CAMKMT: variants seen among roughly 807,000 people sequenced by gnomAD.
The protein encoded by CAMKMT is calmodulin-lysine N-methyltransferase.
Under a neutral mutation model 48.0 loss-of-function variants are expected in CAMKMT, and 53 were observed. That is an observed-to-expected ratio of 1.10 (90% CI 0.89 to 1.39). The LOEUF is 1.39. Ranked by LOEUF, CAMKMT falls within the 40% of genes most tolerant of loss-of-function variation. The probability of loss-of-function intolerance (pLI) is 0.00; values close to 1 mark genes in which losing one functional copy is unlikely to be tolerated. For missense variants in CAMKMT, 428 were observed against 402.7 expected (o/e 1.06, Z -0.54); for synonymous variants, 165 against 152.3 (o/e 1.08, Z -0.61).
At chr2:44,760,970 C>T (rs912884508) in intron 9 of CAMKMT, among the ~76,000 whole-genome samples, 10 of 152,096 alleles carry the variant, frequency 6.6e-5, no homozygotes, top group African/African-American at 9.7e-5. Context: ...TGTGCCAGGC[C>T]CCGGGGATAG....
chr2:44,414,677 A>G (rs1359965001), intron 3 of CAMKMT, among the ~76,000 whole-genome samples: 3 of 152,122 alleles, frequency 2.0e-5, no homozygotes, highest in African/African-American at 7.2e-5. Flanking sequence ...GAGAGAGGGG[A>G]CTACACAGGG....
intron 3 of CAMKMT, among the ~76,000 whole-genome samples, chr2:44,527,613 G>C (rs1666219924): frequency 6.6e-6 from 1 of 151,234 alleles, no homozygotes; most frequent in East Asian, 1.9e-4. Context: ...GACAATAATA[G>C]AGCTTTAAGA....
intron 3 of CAMKMT, among the ~76,000 whole-genome samples, chr2:44,647,579 G>A (rs531669872): frequency 1.5e-4 from 23 of 151,992 alleles, no homozygotes; most frequent in Non-Finnish European, 3.1e-4. Context: ...TGTGTTGCTC[G>A]GGGGACAACT....
chr2:44,666,142 A>C (rs1674952333), intron 3 of CAMKMT, among the ~76,000 whole-genome samples: 2 of 152,210 alleles, frequency 1.3e-5, no homozygotes, highest in South Asian at 4.1e-4. Flanking sequence ...AAAGAGGTTA[A>C]GAGATTTACA....
intron 3 of CAMKMT, among the ~76,000 whole-genome samples, chr2:44,472,686 T>C (rs892552622): frequency 1.3e-5 from 2 of 152,162 alleles, no homozygotes; most frequent in Admixed American, 1.3e-4. Flanking sequence ...CGGGCAGATA[T>C]AGGAAAGAAG....
In CAMKMT at chr2:44,498,589, G is replaced by A. The variant is rs1397071622; in HGVS notation, c.376+108284G>A. On this transcript the variant is annotated intron_variant, in intron 3 of 10. Transcript: ENST00000378494. ...GCAGTGGTTTTGATGATAAAATCCT[G>A]TAATTCAAGAGGTTGGCTTATTCAA... is the stretch of plus-strand genomic sequence containing the variant. 5.9e-5 allele frequency among the ~76,000 whole-genome samples: 9 copies of A among 152,176 alleles called. No homozygotes were observed. In the East Asian group the frequency reaches 1.7e-3, roughly 29 times the overall value.
intron 6 of CAMKMT, among the ~76,000 whole-genome samples, 170 bp downstream of exon 6, chr2:44,707,632 C>T (rs1408041551): frequency 6.6e-6 from 1 of 152,146 alleles, no homozygotes; most frequent in Non-Finnish European, 1.5e-5. Flanking sequence ...TTGCATACAA[C>T]TCCGTAGGTT....
At chr2:44,603,054 A>G (rs888038786) in intron 3 of CAMKMT, among the ~76,000 whole-genome samples, 4 of 143,756 alleles carry the variant, frequency 2.8e-5, no homozygotes, top group Admixed American at 6.7e-5. Flanking sequence ...ACACACACAC[A>G]TATATAGATA....
At chr2:44,549,587 G>A in intron 3 of CAMKMT, 1 of 689,218 alleles carries the variant, frequency 1.5e-6, no homozygotes. Flanking sequence ...CCAGGCTGGA[G>A]TGCAGTGGTG....
chr2:44,766,481 T>A lies in CAMKMT; in HGVS notation c.814T>A (p.Cys272Ser). The A allele has an allele frequency of 6.2e-7, 1 of 1,614,192 alleles. No homozygotes were observed. The highest frequency in any genetic ancestry group is 8.5e-7 in the Non-Finnish European group (1 of 1,180,032). Residue 272 changes from cysteine (C) to serine (S), a missense_variant, in exon 10 of 11, where the codon TGC (cysteine) becomes AGC (serine). Transcript: ENST00000378494. The stretch of plus-strand genomic sequence containing the variant: ...CCGAGGGAATACTTTAAACCAGTTT[T>A]GCAATCTAGCTGAAAAAGCTGGTTT... ...PRRGNTLNQF[C>S]NLAEKAGFCI...
intron 3 of CAMKMT, among the ~76,000 whole-genome samples, chr2:44,458,904 G>A (rs929298766): frequency 4.6e-5 from 7 of 151,988 alleles, no homozygotes; most frequent in African/African-American, 1.4e-4. Context: ...AAGCTACTTG[G>A]GATAGAAGGA....
intron 3 of CAMKMT, among the ~76,000 whole-genome samples, chr2:44,540,395 C>A (rs938750992): frequency 1.5e-4 from 23 of 152,060 alleles, no homozygotes; most frequent in Admixed American, 1.2e-3. Flanking sequence ...TCTGACATAG[C>A]CATGGAACCA....
chr2:44,531,555 G>T (rs1170335168), intron 3 of CAMKMT, among the ~76,000 whole-genome samples: 4 of 152,142 alleles, frequency 2.6e-5, no homozygotes, highest in Non-Finnish European at 5.9e-5. Flanking sequence ...CGGCCATAGG[G>T]TTATTAGTCA....
chr2:44,739,238 G>T (rs917536401), intron 7 of CAMKMT, among the ~76,000 whole-genome samples: 6 of 152,198 alleles, frequency 3.9e-5, no homozygotes, highest in African/African-American at 1.4e-4. Flanking sequence ...ACCAATTAGG[G>T]AGCTATGAAA....
chr2:44,688,895 C>T (rs1676482299), intron 3 of CAMKMT, among the ~76,000 whole-genome samples: 1 of 152,182 alleles, frequency 6.6e-6, no homozygotes, highest in Admixed American at 6.5e-5. Flanking sequence ...GGAACATGCA[C>T]CTCCTAAATA....
intron 3 of CAMKMT, among the ~76,000 whole-genome samples, chr2:44,574,667 T>C (rs1300463421): frequency 2.0e-5 from 3 of 151,764 alleles, no homozygotes; most frequent in Non-Finnish European, 4.4e-5. Context: ...CGTTGACTTA[T>C]AGAGTAATTT....
chr2:44,651,139 C>T (rs1261591940), intron 3 of CAMKMT, among the ~76,000 whole-genome samples: 1 of 152,142 alleles, frequency 6.6e-6, no homozygotes, highest in African/African-American at 2.4e-5. Flanking sequence ...ACATCCAGAG[C>T]TATAAAATGT....
At chr2:44,617,277 A>G (rs1247678055) in intron 3 of CAMKMT, among the ~76,000 whole-genome samples, 2 of 152,220 alleles carry the variant, frequency 1.3e-5, no homozygotes, top group Non-Finnish European at 2.9e-5. Context: ...GTGGCTCTGC[A>G]GGAGTTTTTA....
intron 3 of CAMKMT, among the ~76,000 whole-genome samples, chr2:44,591,254 T>C (rs1164009423): frequency 6.6e-6 from 1 of 152,046 alleles, no homozygotes; most frequent in Non-Finnish European, 1.5e-5. Flanking sequence ...TTTGGTTCCA[T>C]ATGAACTTTA....
Sources: gnomAD v4.1 joint callset for allele counts (sites outside exome capture counted in the v4.1 genomes callset) on GRCh38, gnomAD v4.1.1 for gene constraint, MANE v1.5 for transcripts, NCBI Gene and HGNC (gene_info 2026-07-23, HGNC 2026-07-21) for gene names.